Variants in DPP6 observed in about 807,000 individuals in gnomAD.
The protein encoded by DPP6 is A-type potassium channel modulatory protein DPP6.
DPP6 carries 69 observed loss-of-function variants against 122.6 expected under a neutral mutation model. The ratio of observed to expected loss-of-function variants is 0.56; its 90% CI spans 0.46 to 0.69. The LOEUF (loss-of-function observed/expected upper bound fraction) is 0.69. DPP6 is among the 30% of genes least tolerant of loss of function. The probability of loss-of-function intolerance (pLI) is 0.00; values close to 1 mark genes in which losing one functional copy is unlikely to be tolerated. For missense variants in DPP6, 928 were observed against 1,116.9 expected, an observed-to-expected ratio of 0.83 and a Z score of 2.41; for synonymous variants, 418 against 433.1, an observed-to-expected ratio of 0.97 and a Z score of 0.43.
chr7:154,253,337 C>A (rs911558565), intron 1 of DPP6, among the ~76,000 whole-genome samples: 10 of 152,170 alleles, frequency 6.6e-5, no homozygotes, highest in Non-Finnish European at 1.2e-4. Context: ...AAAGTGAATG[C>A]AGGTGATACA....
chr7:154,785,931 C>G (rs1210205873), intron 10 of DPP6, among the ~76,000 whole-genome samples: 1 of 151,526 alleles, frequency 6.6e-6, no homozygotes, highest in African/African-American at 2.4e-5. Context: ...TTTTCAAATC[C>G]TCTCAGCTAT....
At chr7:154,109,423 T>C (rs1293124572) in intron 1 of DPP6, among the ~76,000 whole-genome samples, 1 of 152,056 alleles carries the variant, frequency 6.6e-6, no homozygotes, top group East Asian at 1.9e-4. Context: ...CCTGAGTAGC[T>C]GGGATTATGG....
chr7:153,764,862 C>T, the DPP6 span, among the ~76,000 whole-genome samples: 95 of 152,174 alleles, frequency 6.2e-4, no homozygotes, highest in Middle Eastern at 0.014. Flanking sequence ...AGTCCCCTCT[C>T]TTCACATGGG....
chr7:153,820,023 T>C, the DPP6 span, among the ~76,000 whole-genome samples: 2 of 152,228 alleles, frequency 1.3e-5, no homozygotes, highest in Non-Finnish European at 2.9e-5. Flanking sequence ...ATCTTCTTTG[T>C]GGCTATAATC....
intron 1 of DPP6, among the ~76,000 whole-genome samples, chr7:153,981,481 C>T (rs1352494116): frequency 6.6e-6 from 1 of 152,144 alleles, no homozygotes; most frequent in Non-Finnish European, 1.5e-5. Flanking sequence ...ACCAGTGGGT[C>T]TTGACTCTTT....
intron 1 of DPP6, among the ~76,000 whole-genome samples, chr7:154,202,832 C>T (rs948839833): frequency 6.6e-6 from 1 of 152,186 alleles, no homozygotes; most frequent in Non-Finnish European, 1.5e-5. Context: ...TTGTCTGAGT[C>T]CCCAGAGCTA....
chr7:153,866,542 G>A, the DPP6 span, among the ~76,000 whole-genome samples: 2 of 152,132 alleles, frequency 1.3e-5, no homozygotes, highest in Non-Finnish European at 2.9e-5. Flanking sequence ...GTAGATTCTG[G>A]ATATTCACCC....
intron 1 of DPP6, among the ~76,000 whole-genome samples, chr7:153,977,042 C>T (rs1271463149): frequency 6.6e-6 from 1 of 152,204 alleles, no homozygotes; most frequent in East Asian, 1.9e-4. Context: ...TTCTAAGCTG[C>T]AGGAGCTCCT....
chr7:154,756,896 C>G (rs1448335106), intron 8 of DPP6, among the ~76,000 whole-genome samples: 1 of 151,762 alleles, frequency 6.6e-6, no homozygotes, highest in African/African-American at 2.4e-5. Context: ...CAGGCCAGCC[C>G]CTTTCCACCC....
At chr7:154,065,494 G>C (rs1585300034) in intron 1 of DPP6, among the ~76,000 whole-genome samples, 1 of 151,810 alleles carries the variant, frequency 6.6e-6, no homozygotes, top group African/African-American at 2.4e-5. Flanking sequence ...ACAACCAGCA[G>C]TGAAGTGGAG....
chr7:154,244,036 G>A (rs12667045), intron 1 of DPP6, among the ~76,000 whole-genome samples: 5,924 of 152,012 alleles, frequency 0.039, 191 homozygotes, highest in East Asian at 0.13. Flanking sequence ...AAATTAAAAT[G>A]CTTATTTTAA....
chr7:154,538,204 C>T (rs1828423482), intron 3 of DPP6, among the ~76,000 whole-genome samples: 2 of 152,148 alleles, frequency 1.3e-5, no homozygotes, highest in African/African-American at 4.8e-5. Context: ...TTTTATGTAC[C>T]TCAAATGTAG....
At chr7:154,691,935 C>G (rs1378385267) in intron 7 of DPP6, among the ~76,000 whole-genome samples, 2 of 152,188 alleles carry the variant, frequency 1.3e-5, no homozygotes, top group African/African-American at 2.4e-5. Context: ...GGAAGTGCTC[C>G]TGTCAGGGAA....
chr7:154,532,775 A>G (rs1827946611), intron 3 of DPP6, among the ~76,000 whole-genome samples: 1 of 152,040 alleles, frequency 6.6e-6, no homozygotes, highest in South Asian at 2.1e-4. Context: ...TATTTTTAAA[A>G]TAAAACAAAA....
At chr7:154,588,833 G>A (rs149633408) in intron 5 of DPP6, among the ~76,000 whole-genome samples, 5 of 152,236 alleles carry the variant, frequency 3.3e-5, no homozygotes, top group African/African-American at 1.2e-4. Flanking sequence ...CTCTATTAAT[G>A]AGCAGGAGGC....
At chr7:154,322,515 A>C (rs1447931960) in intron 1 of DPP6, among the ~76,000 whole-genome samples, 1 of 152,182 alleles carries the variant, frequency 6.6e-6, no homozygotes, top group African/African-American at 2.4e-5. Context: ...GTGCTTAATA[A>C]TTCACTTTCC....
At chr7:153,994,657 T>C (rs1450303197) in intron 1 of DPP6, among the ~76,000 whole-genome samples, 1 of 151,904 alleles carries the variant, frequency 6.6e-6, no homozygotes, top group Non-Finnish European at 1.5e-5. Flanking sequence ...TTTTCTGTTT[T>C]GTTTCTTTCT....
At chr7:154,527,018 A>G (rs1015891697) in intron 3 of DPP6, among the ~76,000 whole-genome samples, 1 of 152,230 alleles carries the variant, frequency 6.6e-6, no homozygotes, top group African/African-American at 2.4e-5. Flanking sequence ...GATGAAATGA[A>G]AGACAGGTGC....
In DPP6 at chr7:154,892,360, T is replaced by A. The variant is rs1369293470; in HGVS notation, c.2478T>A (p.Phe826Leu). The change falls in exon 26 of 26, where the codon TTT becomes TTA. Residue 826 changes from phenylalanine to leucine, a missense_variant. Phe to Leu is a conservative substitution (Grantham distance 22). Coordinates refer to ENST00000377770, the MANE Select transcript of DPP6 (RefSeq NM_130797.4). ...TTTACCCGGACGAAAGCCATTACTT[T>A]ACCAGCTCCAGCCTCAAACAGCATC... ...LQIYPDESHY[F>L]TSSSLKQHLY... 1 of 1,614,068 alleles carries A rather than the reference T, an allele frequency of 6.2e-7. No individual in the cohort carries two copies. The highest frequency in any genetic ancestry group is 8.5e-7 in the Non-Finnish European group (1 of 1,179,898).
Sources: allele counts gnomAD v4.1 joint callset (sites outside exome capture counted in the v4.1 genomes callset), GRCh38; gene constraint gnomAD v4.1.1; transcripts MANE v1.5; gene names NCBI Gene and HGNC (gene_info 2026-07-23, HGNC 2026-07-21).